The following DTNB variants were observed in gnomAD, a reference collection of about 807,000 sequenced individuals.
The protein encoded by DTNB is DTN-B.
DTNB carries 63 observed loss-of-function variants against 90.7 expected under a neutral mutation model. That is an observed-to-expected ratio of 0.69 (90% CI 0.57 to 0.86). The LOEUF is 0.86. Ranked by LOEUF, DTNB falls within the 40% of genes least tolerant of loss-of-function variation. DTNB has a pLI of 0.00. For synonymous variants in DTNB, 277 were observed against 286.7 expected (o/e 0.97, Z 0.34); for missense variants, 744 against 807.1 (o/e 0.92, Z 0.95).
intron 1 of DTNB, among the ~76,000 whole-genome samples, chr2:25,663,790 C>T (rs181815974): frequency 6.6e-6 from 1 of 152,290 alleles, no homozygotes; most frequent in Admixed American, 6.5e-5. Context: ...ACCAGTATCT[C>T]AACAACAGTT....
chr2:25,471,341 A>G (rs981879986), intron 10 of DTNB, among the ~76,000 whole-genome samples: 7 of 150,340 alleles, frequency 4.7e-5, no homozygotes, highest in African/African-American at 1.5e-4. Context: ...GATGCTATCT[A>G]AATTTGTCAA....
chr2:25,514,398 G>T (rs1387143133), intron 9 of DTNB, among the ~76,000 whole-genome samples: 1 of 152,140 alleles, frequency 6.6e-6, no homozygotes, highest in African/African-American at 2.4e-5. Context: ...TAGAGAGGTT[G>T]CCAGGAACCA....
chr2:25,657,184 A>C lies in DTNB; in HGVS notation c.-1-4523T>G, dbSNP rs530287960. On this transcript the variant is annotated intron_variant, in intron 1 of 20. Coordinates refer to ENST00000406818, the MANE Select transcript of DTNB (RefSeq NM_021907.5). ...GAGTGAGACTCCGTCTCAAAAATAA[A>C]TAAATGAAAGGGTTGAAACTGAAAG... Among the ~76,000 whole-genome samples, 11 of 152,300 alleles carry C rather than the reference A, an allele frequency of 7.2e-5. No individual in the cohort carries two copies. The South Asian group carries it at 1.7e-3, about 23-fold the overall frequency.
chr2:25,608,410 GC>G (rs2067632076), intron 4 of DTNB, among the ~76,000 whole-genome samples: 1 of 152,110 alleles, frequency 6.6e-6, no homozygotes, highest in Non-Finnish European at 1.5e-5. Flanking sequence ...TTACAGTTGA[GC>G]TTTTAACTAT....
At chr2:25,378,369 G>C (rs985923760) in intron 20 of DTNB, among the ~76,000 whole-genome samples, 9 of 152,218 alleles carry the variant, frequency 5.9e-5, no homozygotes, top group African/African-American at 1.9e-4. Context: ...GCACAATCCA[G>C]AGTCAGCGCA....
chr2:25,433,988 G>A lies in DTNB; in HGVS notation c.1265C>T (p.Pro422Leu), dbSNP rs2054812022. ...AAAGTTAAAGCTCAAGTCAGTGGGA[G>A]GACGAGTCTAAAGTGGGGAAGTCGG... ...LAAEAGNVTR[P>L]PTDLSFNFDA... The change falls in exon 13 of 21, where the codon CCT (proline) becomes CTT (leucine). Residue 422 changes from proline to leucine, a missense_variant. By Grantham distance (98) the Pro-to-Leu change is moderately conservative (BLOSUM62 -3). Transcript: ENST00000406818. The A allele has an allele frequency of 1.2e-6, 2 of 1,612,802 alleles. No homozygotes were observed. The highest frequency in any genetic ancestry group is 8.5e-7 in the Non-Finnish European group (1 of 1,179,694).
chr2:25,513,764 A>C (rs1310343634), intron 9 of DTNB, among the ~76,000 whole-genome samples: 6 of 151,654 alleles, frequency 4.0e-5, no homozygotes, highest in African/African-American at 1.5e-4. Flanking sequence ...AAAAAAAAAA[A>C]AAACCCCACA....
chr2:25,663,272 A>G (rs1185023125), intron 1 of DTNB, among the ~76,000 whole-genome samples: 1 of 152,044 alleles, frequency 6.6e-6, no homozygotes, highest in Non-Finnish European at 1.5e-5. Context: ...ACAGCATTCG[A>G]TGGTGTGTAT....
At chr2:25,483,960 C>T (rs2065538234) in intron 9 of DTNB, among the ~76,000 whole-genome samples, 1 of 152,180 alleles carries the variant, frequency 6.6e-6, no homozygotes, top group Non-Finnish European at 1.5e-5. Context: ...GTAACAGTTG[C>T]CTCCAGTATT....
At chr2:25,594,100 T>C (rs1028701564) in intron 6 of DTNB, among the ~76,000 whole-genome samples, 1 of 152,198 alleles carries the variant, frequency 6.6e-6, no homozygotes, top group Non-Finnish European at 1.5e-5. Flanking sequence ...AGAAGAGCTG[T>C]GACTTCATCA....
rs1400833462 is a variant in DTNB, at chr2:25,424,656, G to A, written c.1554+2879C>T. Among the ~76,000 whole-genome samples, 1 of 151,888 alleles carries A rather than the reference G, an allele frequency of 6.6e-6. No individual in the cohort carries two copies. Reference sequence around the variant, plus strand: ...AAGGGAGATGTGACACAGGGAAGAGGTGAGTGGATCCCCTATTTTTTTTTT... The same window carrying A: ...AAGGGAGATGTGACACAGGGAAGAGATGAGTGGATCCCCTATTTTTTTTTT... On this transcript the variant is annotated intron_variant, in intron 15 of 20. Coordinates refer to ENST00000406818, the MANE Select transcript of DTNB (RefSeq NM_021907.5). This position sits in a 1 kb window ranked among gnomAD's most constrained non-coding sequence, Gnocchi z 4.1.
chr2:25,504,564 GAAAGAA>G (rs1397142692), intron 9 of DTNB, among the ~76,000 whole-genome samples: 1 of 144,334 alleles, frequency 6.9e-6, no homozygotes, highest in Non-Finnish European at 1.5e-5. Flanking sequence ...CAGAAAGAAA[GAAAGAA>G]AGAAAGAAAA....
chr2:25,525,188 T>C (rs2076856568), intron 9 of DTNB, among the ~76,000 whole-genome samples: 1 of 152,220 alleles, frequency 6.6e-6, no homozygotes, highest in African/African-American at 2.4e-5. Context: ...TATCTGATTT[T>C]TATAGATGTA....
intron 1 of DTNB, among the ~76,000 whole-genome samples, chr2:25,668,014 C>T (rs866540665): frequency 1.3e-5 from 2 of 152,050 alleles, no homozygotes; most frequent in Admixed American, 6.5e-5. Context: ...CCAAGGCAGG[C>T]GGATCATGAG....
intron 6 of DTNB, among the ~76,000 whole-genome samples, chr2:25,591,986 G>A (rs1263921253): frequency 6.6e-6 from 1 of 150,818 alleles, no homozygotes; most frequent in Admixed American, 6.6e-5. Context: ...GCTTGAACCG[G>A]GGAGGCAGAG....
chr2:25,631,363 G>A (rs2075707840), intron 3 of DTNB, among the ~76,000 whole-genome samples: 1 of 152,050 alleles, frequency 6.6e-6, no homozygotes, highest in Non-Finnish European at 1.5e-5. Context: ...TTGAAGCCAG[G>A]AGTTCATGAC....
chr2:25,646,387 G>A (rs904668110), intron 2 of DTNB, among the ~76,000 whole-genome samples: 3 of 151,830 alleles, frequency 2.0e-5, no homozygotes, highest in Non-Finnish European at 4.4e-5. Context: ...CAGGAGAATC[G>A]CTTGAACCAG....
At chr2:25,614,004 T>C (rs1048488301) in intron 4 of DTNB, among the ~76,000 whole-genome samples, 1 of 152,116 alleles carries the variant, frequency 6.6e-6, no homozygotes, top group Non-Finnish European at 1.5e-5. Flanking sequence ...CAGGGAGCTT[T>C]ATCCCAAGAA....
At chr2:25,463,127 G>C (rs1356922538) in intron 10 of DTNB, among the ~76,000 whole-genome samples, 1 of 152,154 alleles carries the variant, frequency 6.6e-6, no homozygotes, top group Non-Finnish European at 1.5e-5. Context: ...CTCCCCTTGG[G>C]TGCCCAATGG....
Sources: gnomAD v4.1 joint callset for allele counts (sites outside exome capture counted in the v4.1 genomes callset) on GRCh38, gnomAD v4.1.1 for gene constraint, Gnocchi (gnomAD v3.1) non-coding constraint, MANE v1.5 for transcripts, NCBI Gene and HGNC (gene_info 2026-07-23, HGNC 2026-07-21) for gene names.